Variants in MIDEAS observed in about 807,000 individuals in gnomAD.
MIDEAS encodes mitotic deacetylase associated SANT domain protein.
MIDEAS carries 26 observed loss-of-function variants against 102.7 expected under a neutral mutation model. The observed-to-expected ratio is 0.25, with a 90% CI of 0.19 to 0.35. The LOEUF (loss-of-function observed/expected upper bound fraction) is 0.35. MIDEAS is among the 10% of genes least tolerant of loss of function. The pLI is 1.00. For missense variants in MIDEAS, 1,231 were observed against 1,435.6 expected (o/e 0.86, Z 2.30); for synonymous variants, 585 against 591.0 (o/e 0.99, Z 0.15).
At chr14:73,740,727 C>G (rs2053271513) in intron 1 of MIDEAS, among the ~76,000 whole-genome samples, 1 of 152,226 alleles carries the variant, frequency 6.6e-6, no homozygotes, top group Non-Finnish European at 1.5e-5. Flanking sequence ...TATGCAGGAG[C>G]CTCCCACCAG....
chr14:73,750,430 A>C (rs981866162), intron 1 of MIDEAS, among the ~76,000 whole-genome samples: 8 of 152,136 alleles, frequency 5.3e-5, no homozygotes, highest in Non-Finnish European at 1.0e-4. Context: ...CACTCCTCTT[A>C]AGAAATTATC....
intron 1 of MIDEAS, among the ~76,000 whole-genome samples, chr14:73,770,789 G>A (rs1411666142): frequency 6.6e-6 from 1 of 152,100 alleles, no homozygotes; most frequent in Non-Finnish European, 1.5e-5. Context: ...ATGGAAATGT[G>A]TTTCAAGCTT....
intron 3 of MIDEAS, among the ~76,000 whole-genome samples, chr14:73,730,644 G>A (rs1234671423): frequency 6.6e-6 from 1 of 152,004 alleles, no homozygotes; most frequent in Non-Finnish European, 1.5e-5. Context: ...TGCGTGCTAA[G>A]ACCTGAGCTG....
Position 73,726,113 on chromosome 14 carries a change from A to G in MIDEAS, c.2410-5T>C. On this transcript the variant is annotated splice_polypyrimidine_tract_variant and splice_region_variant and intron_variant, in intron 7 of 12. Transcript: ENST00000423556. ...CAGCAGCTTATTCAGCGTTTCCTGGAGGGGAAGTGAGGGAAGGGTCAGGGC... is the reference window on the plus strand; with the variant it reads ...CAGCAGCTTATTCAGCGTTTCCTGGGGGGGAAGTGAGGGAAGGGTCAGGGC... 3 of 1,581,916 alleles carry G rather than the reference A, an allele frequency of 1.9e-6. No homozygotes were observed. Among genetic ancestry groups the G allele is most frequent in the African/African-American group, 2.7e-5 (2 of 74,112 alleles).
In MIDEAS at chr14:73,739,081, G is replaced by A. The variant is rs2053244360; in HGVS notation, c.928C>T (p.Pro310Ser). The A allele has an allele frequency of 1.3e-6, 2 of 1,585,314 alleles. No individual in the cohort carries two copies. Among genetic ancestry groups the A allele is most frequent in the Admixed American group, 3.4e-5 (2 of 58,540 alleles). Residue 310 changes from proline (P) to serine (S), a missense_variant, in exon 2 of 13, where the codon CCC becomes TCC. Pro to Ser is a moderately conservative substitution (Grantham distance 74, BLOSUM62 -1). This residue lies in a region of MIDEAS where 758 missense variants were observed against 856.0 expected (regional missense o/e 0.89). Transcript: ENST00000423556. ...HLAHHSMAPY[P>S]FPPNPDMNPE... ...TTCATATCTGGGTTGGGGGGGAAGG[G>A]GTAGGGTGCCATGCTGTGGTGAGCC...
intron 1 of MIDEAS, among the ~76,000 whole-genome samples, chr14:73,778,651 A>T (rs2053714875): frequency 6.6e-6 from 1 of 152,054 alleles, no homozygotes; most frequent in Non-Finnish European, 1.5e-5. Context: ...AGCTTCTTAT[A>T]GTGGCCTGCA....
chr14:73,772,705 T>C (rs1051432675), intron 1 of MIDEAS, among the ~76,000 whole-genome samples: 1 of 152,170 alleles, frequency 6.6e-6, no homozygotes, highest in African/African-American at 2.4e-5. Context: ...TTTTCCTTTT[T>C]AGAATTAATA....
At chr14:73,748,558 G>A (rs1479129739) in intron 1 of MIDEAS, among the ~76,000 whole-genome samples, 1 of 151,260 alleles carries the variant, frequency 6.6e-6, no homozygotes, top group Non-Finnish European at 1.5e-5. Flanking sequence ...GCAAGGGATG[G>A]AAAAAGAGAT....
In MIDEAS at chr14:73,715,727, GTGT is replaced by G. The variant is rs1256302353; in HGVS notation, c.*3113_*3115del. 6.6e-6 allele frequency: 1 copy of G among 152,628 alleles called. No individual in the cohort carries two copies. Among genetic ancestry groups the G allele is most frequent in the African/African-American group, 2.4e-5 (1 of 41,464 alleles). The allele number at this position is 152,628 out of a possible 1,614,324, so 9.5% of individuals were successfully genotyped here. On this transcript the variant is annotated 3_prime_UTR_variant, in exon 13 of 13. Transcript: ENST00000423556. The stretch of plus-strand genomic sequence containing the variant: ...ACTAAACAGGCTGAGGCTTGAGTAT[GTGT>G]TGTATTCCTCCTTCATCTTAACATC...
intron 1 of MIDEAS, among the ~76,000 whole-genome samples, chr14:73,757,492 A>G (rs775539508): frequency 6.6e-5 from 10 of 152,178 alleles, no homozygotes; most frequent in Non-Finnish European, 1.5e-4. Context: ...ATGTACACAA[A>G]TAACTACATA....
rs2052912631 is a variant in MIDEAS at position 73,717,688 on chromosome 14, G to A, written c.*1155C>T. ...ATGCACTCGGGCCTCTGAAAAGCAG[G>A]AGGCCCCTGGTCCCTGAGAGGATGT... On this transcript the variant is annotated 3_prime_UTR_variant, in exon 13 of 13. Transcript: ENST00000423556. The A allele has an allele frequency of 6.6e-6, 1 of 152,606 alleles. No individual in the cohort carries two copies. Among genetic ancestry groups the A allele is most frequent in the African/African-American group, 2.4e-5 (1 of 41,444 alleles). The allele number at this position is 152,606 out of a possible 1,614,324, so 9.5% of individuals were successfully genotyped here. A position where few individuals can be genotyped will look rare whatever the true frequency, so the allele number is the denominator to read the frequency against.
Position 73,724,813 on chromosome 14 carries a change from C to T in MIDEAS, c.2574+459G>A, listed in dbSNP as rs139118253. On this transcript the variant is annotated intron_variant, in intron 9 of 12. Coordinates refer to ENST00000423556, the MANE Select transcript of MIDEAS (RefSeq NM_001367710.1). ...ACAAGATAAATCTAGGGAATGTGGG[C>T]TTGAACAGCTGAGTTACTGGAAGGC... 567 of 171,232 alleles carry T rather than the reference C, an allele frequency of 3.3e-3. 2 individuals are homozygous for T. Among genetic ancestry groups the T allele is most frequent in the Non-Finnish European group, 5.7e-3 (445 of 77,538 alleles). 10.6% of individuals were successfully genotyped at this position (171,232 alleles called of 1,614,324 possible). A position where few individuals can be genotyped will look rare whatever the true frequency, so the allele number is the denominator to read the frequency against.
chr14:73,751,669 C>G (rs1250928801), intron 1 of MIDEAS, among the ~76,000 whole-genome samples: 1 of 152,182 alleles, frequency 6.6e-6, no homozygotes, highest in Non-Finnish European at 1.5e-5. Flanking sequence ...GAGGCCAAAG[C>G]AGCTGGACCA....
intron 1 of MIDEAS, among the ~76,000 whole-genome samples, chr14:73,753,186 A>AG (rs1293356216): frequency 2.0e-5 from 3 of 152,224 alleles, no homozygotes; most frequent in African/African-American, 7.2e-5. Context: ...GAAGGGCCTC[A>AG]GGGCTCAAGG....
intron 3 of MIDEAS, among the ~76,000 whole-genome samples, chr14:73,735,011 A>C (rs936559907): frequency 6.6e-6 from 1 of 152,242 alleles, no homozygotes; most frequent in African/African-American, 2.4e-5. Flanking sequence ...CAAGTATTTA[A>C]GTAATTACAT....
intron 1 of MIDEAS, among the ~76,000 whole-genome samples, chr14:73,781,750 A>C (rs908516725): frequency 6.6e-6 from 1 of 151,060 alleles, no homozygotes; most frequent in Non-Finnish European, 1.5e-5. Context: ...AAAAAAAAAA[A>C]AAAAAACTGA....
intron 1 of MIDEAS, among the ~76,000 whole-genome samples, chr14:73,757,291 A>AAAAAAAAC (rs1319686789): frequency 6.6e-6 from 1 of 150,590 alleles, no homozygotes; most frequent in Admixed American, 6.6e-5. Flanking sequence ...AAAAAAAAAA[A>AAAAAAAAC]AAACACTAAA....
chr14:73,728,552 C>G (rs1263626805), intron 4 of MIDEAS: 1 of 145,150 alleles, frequency 6.9e-6, no homozygotes, highest in Admixed American at 6.9e-5. Context: ...CTCTTGAATA[C>G]AGTCCTCACC....
At chr14:73,723,653 G>A (rs922080314) in intron 9 of MIDEAS, 1 of 152,232 alleles carries the variant, frequency 6.6e-6, no homozygotes, top group Non-Finnish European at 1.5e-5. Flanking sequence ...TAGAGAAAGA[G>A]AAAGCAAATA....
Sources: allele counts gnomAD v4.1 joint callset (sites outside exome capture counted in the v4.1 genomes callset), GRCh38; gene constraint gnomAD v4.1.1; regional missense constraint gnomAD v4.1.1; transcripts MANE v1.5; gene names NCBI Gene and HGNC (gene_info 2026-07-23, HGNC 2026-07-21).